KCNN2: variants seen among roughly 807,000 people sequenced by gnomAD.
KCNN2 encodes potassium calcium-activated channel subfamily N member 2.
KCNN2 carries 24 observed loss-of-function variants against 55.5 expected under a neutral mutation model. The observed-to-expected ratio is 0.43, with a 90% CI of 0.31 to 0.61. The LOEUF (loss-of-function observed/expected upper bound fraction) is 0.61. KCNN2 is among the 20% of genes least tolerant of loss of function. The pLI is 0.08. For synonymous variants in KCNN2, 431 were observed against 336.1 expected (o/e 1.28, Z -3.09); for missense variants, 754 against 853.6 (o/e 0.88, Z 1.45).
chr5:114,154,961 G>T (rs1752599716), intron 1 of KCNN2, among the ~76,000 whole-genome samples: 1 of 152,070 alleles, frequency 6.6e-6, no homozygotes, highest in African/African-American at 2.4e-5. Context: ...ATGGGGGTTT[G>T]TTGTATAGAT....
At chr5:114,312,997 C>T (rs1021402921) in intron 2 of KCNN2, among the ~76,000 whole-genome samples, 1 of 151,974 alleles carries the variant, frequency 6.6e-6, no homozygotes, top group African/African-American at 2.4e-5. Flanking sequence ...TATAAGCTAC[C>T]CTGCCTCTCT....
At chr5:114,450,438 G>T (rs1222549131) in intron 3 of KCNN2, among the ~76,000 whole-genome samples, 4 of 152,294 alleles carry the variant, frequency 2.6e-5, no homozygotes, top group East Asian at 3.9e-4. Context: ...ATATCCACTG[G>T]TCTGGAAGTT....
At chr5:114,233,282 T>C (rs1259212809) in intron 2 of KCNN2, among the ~76,000 whole-genome samples, 1 of 152,184 alleles carries the variant, frequency 6.6e-6, no homozygotes, top group Non-Finnish European at 1.5e-5. Context: ...AAACTGGTTT[T>C]ACTGCTTGCA....
chr5:114,112,072 C>G (rs1239981861), intron 1 of KCNN2, among the ~76,000 whole-genome samples: 2 of 152,100 alleles, frequency 1.3e-5, no homozygotes, highest in African/African-American at 4.8e-5. Context: ...AGAAGTGGAA[C>G]CAACCTAAAT....
At chr5:114,079,275 A>C (rs1042945716) in intron 1 of KCNN2, among the ~76,000 whole-genome samples, 2 of 152,220 alleles carry the variant, frequency 1.3e-5, no homozygotes, top group African/African-American at 4.8e-5. Context: ...TCTAATAAAA[A>C]CTTTGAATCC....
intron 2 of KCNN2, among the ~76,000 whole-genome samples, chr5:114,241,401 A>G (rs1026317602): frequency 3.3e-5 from 5 of 151,886 alleles, no homozygotes; most frequent in Non-Finnish European, 2.9e-5. Flanking sequence ...ATTAAAATGT[A>G]TACCAAGTTG....
chr5:114,127,195 C>G (rs1268563917), intron 1 of KCNN2, among the ~76,000 whole-genome samples: 1 of 152,146 alleles, frequency 6.6e-6, no homozygotes, highest in Non-Finnish European at 1.5e-5. Context: ...CACAGCCCCA[C>G]TAAGCATTGT....
chr5:114,419,838 A>G (rs1244801402), intron 3 of KCNN2, among the ~76,000 whole-genome samples: 4 of 152,212 alleles, frequency 2.6e-5, no homozygotes, highest in Non-Finnish European at 4.4e-5. Flanking sequence ...AAAAGTAAAA[A>G]AAAATAAGAA....
chr5:114,436,673 C>T (rs1394185994), intron 3 of KCNN2, among the ~76,000 whole-genome samples: 3 of 152,100 alleles, frequency 2.0e-5, no homozygotes, highest in Non-Finnish European at 4.4e-5. Context: ...CGTATCTGTA[C>T]ATTTTTCATT....
At chr5:114,075,223 T>C (rs1227530466) in intron 1 of KCNN2, among the ~76,000 whole-genome samples, 2 of 152,218 alleles carry the variant, frequency 1.3e-5, no homozygotes, top group Non-Finnish European at 2.9e-5. Context: ...TGAATTTCTT[T>C]AAGGTGTCAT....
intron 2 of KCNN2, among the ~76,000 whole-genome samples, chr5:114,291,255 T>C (rs1443550449): frequency 6.6e-6 from 1 of 152,140 alleles, no homozygotes; most frequent in African/African-American, 2.4e-5. Context: ...TTGTTAAATA[T>C]ATATACATGT....
At chr5:114,138,513 G>A (rs940569993) in intron 1 of KCNN2, among the ~76,000 whole-genome samples, 1 of 152,092 alleles carries the variant, frequency 6.6e-6, no homozygotes, top group Admixed American at 6.6e-5. Flanking sequence ...TCAATTGGGT[G>A]GAGATCACAG....
intron 1 of KCNN2, among the ~76,000 whole-genome samples, chr5:114,134,316 CTT>C (rs1262655668): frequency 6.6e-6 from 1 of 150,610 alleles, no homozygotes; most frequent in Non-Finnish European, 1.5e-5. Flanking sequence ...TATTGGGAAA[CTT>C]TTTGAATTTA....
intron 1 of KCNN2, among the ~76,000 whole-genome samples, chr5:114,153,721 C>A (rs1311196176): frequency 6.6e-6 from 1 of 152,108 alleles, no homozygotes; most frequent in Non-Finnish European, 1.5e-5. Flanking sequence ...ATTTGCCATA[C>A]AAATATCCCT....
At chr5:114,071,059 G>T (rs530857330) in intron 1 of KCNN2, among the ~76,000 whole-genome samples, 3 of 152,134 alleles carry the variant, frequency 2.0e-5, no homozygotes, top group Admixed American at 2.0e-4. Context: ...ATATACATAT[G>T]TATGCATGTG....
intron 1 of KCNN2, among the ~76,000 whole-genome samples, chr5:114,111,883 G>C (rs878933161): frequency 3.9e-5 from 6 of 152,120 alleles, no homozygotes; most frequent in African/African-American, 9.7e-5. Flanking sequence ...GTTGGTGGGA[G>C]TGTAAATTAG....
chr5:114,408,159 A>G (rs1759000229), intron 3 of KCNN2, among the ~76,000 whole-genome samples: 1 of 148,542 alleles, frequency 6.7e-6, no homozygotes, highest in Admixed American at 6.7e-5. Context: ...CTGCATTCTC[A>G]TGTCAGGTAA....
intron 1 of KCNN2, among the ~76,000 whole-genome samples, chr5:114,121,527 C>T (rs115555672): frequency 0.017 from 2,553 of 152,244 alleles, 79 homozygotes; most frequent in African/African-American, 0.059. Context: ...CATCTCCATT[C>T]GGCAGTACAG....
intron 2 of KCNN2, among the ~76,000 whole-genome samples, chr5:114,311,868 A>T (rs1440428197): frequency 6.6e-6 from 1 of 152,182 alleles, no homozygotes; most frequent in East Asian, 1.9e-4. Context: ...TCATCTATAA[A>T]TGAGAAAACT....
Sources: gnomAD v4.1 joint callset for allele counts (sites outside exome capture counted in the v4.1 genomes callset) on GRCh38, gnomAD v4.1.1 for gene constraint, MANE v1.5 for transcripts, NCBI Gene and HGNC (gene_info 2026-07-23, HGNC 2026-07-21) for gene names.